The following LRRTM4 variants were observed in gnomAD, a reference collection of about 807,000 sequenced individuals.
LRRTM4 encodes the protein leucine rich repeat transmembrane neuronal 4.
LRRTM4 carries 25 observed loss-of-function variants against 47.6 expected under a neutral mutation model. That is an observed-to-expected ratio of 0.53 (90% confidence interval 0.38 to 0.73). The LOEUF (loss-of-function observed/expected upper bound fraction) is 0.73, where lower values mean the gene tolerates loss of function less well. LRRTM4 is among the 30% of genes least tolerant of loss of function. The pLI, the probability that LRRTM4 is intolerant of heterozygous loss-of-function variation, is 0.00. For missense variants in LRRTM4, 638 were observed against 713.4 expected (o/e 0.89, Z 1.20); for synonymous variants, 311 against 269.5 (o/e 1.15, Z -1.51).
chr2:77,445,976 T>C (rs971538695), intron 3 of LRRTM4, among the ~76,000 whole-genome samples: 1 of 152,074 alleles, frequency 6.6e-6, no homozygotes. Context: ...TTTATTTTCC[T>C]AAGTGAGATG....
At chr2:77,145,432 T>G (rs151083374) in intron 3 of LRRTM4, among the ~76,000 whole-genome samples, 260 of 152,042 alleles carry the variant, frequency 1.7e-3, no homozygotes, top group African/African-American at 6.1e-3. Context: ...GAAACAATAT[T>G]TGAACGAATT....
intron 3 of LRRTM4, among the ~76,000 whole-genome samples, chr2:77,224,818 G>T (rs1202784279): frequency 6.6e-6 from 1 of 152,082 alleles, no homozygotes; most frequent in Non-Finnish European, 1.5e-5. Flanking sequence ...TCCTCTCAGG[G>T]ATCTAGAACT....
chr2:77,312,435 G>A (rs181262159), intron 3 of LRRTM4, among the ~76,000 whole-genome samples: 2 of 152,240 alleles, frequency 1.3e-5, no homozygotes, highest in African/African-American at 4.8e-5. Context: ...TTTTAGATCA[G>A]TAGGCTTGGC....
chr2:76,782,874 C>T (rs986756817), intron 3 of LRRTM4, among the ~76,000 whole-genome samples: 1 of 152,050 alleles, frequency 6.6e-6, no homozygotes, highest in African/African-American at 2.4e-5. Flanking sequence ...ATTTAAATCG[C>T]TATTGGGGAA....
intron 3 of LRRTM4, among the ~76,000 whole-genome samples, chr2:76,968,883 TTTG>T (rs1174191263): frequency 6.6e-6 from 1 of 151,796 alleles, no homozygotes; most frequent in African/African-American, 2.4e-5. Flanking sequence ...GTCCCAGAGC[TTTG>T]TTGTCAATGT....
At chr2:76,998,359 C>G (rs1037782485) in intron 3 of LRRTM4, among the ~76,000 whole-genome samples, 1 of 152,086 alleles carries the variant, frequency 6.6e-6, no homozygotes, top group Admixed American at 6.6e-5. Context: ...ATCATACTCA[C>G]AGCTGCCATG....
intron 3 of LRRTM4, among the ~76,000 whole-genome samples, chr2:76,887,338 T>G (rs1463557175): frequency 1.3e-5 from 2 of 151,244 alleles, no homozygotes; most frequent in African/African-American, 2.4e-5. Flanking sequence ...TTTATTTGAC[T>G]TTTCCTAAAC....
chr2:77,075,290 T>C (rs535851475), intron 3 of LRRTM4, among the ~76,000 whole-genome samples: 83 of 152,226 alleles, frequency 5.5e-4, no homozygotes, highest in Non-Finnish European at 1.0e-3. Flanking sequence ...CTACAACTTG[T>C]AAATGTTAGG....
intron 3 of LRRTM4, among the ~76,000 whole-genome samples, chr2:77,398,090 C>G (rs1673773416): frequency 6.6e-6 from 1 of 151,852 alleles, no homozygotes; most frequent in Non-Finnish European, 1.5e-5. Context: ...TCATTGTGCC[C>G]TACTTTGAAC....
At chr2:77,242,373 GA>G (rs1573128353) in intron 3 of LRRTM4, among the ~76,000 whole-genome samples, 2 of 152,168 alleles carry the variant, frequency 1.3e-5, no homozygotes, top group East Asian at 3.9e-4. Flanking sequence ...TCAACAGAGT[GA>G]AAATGCAACC....
intron 3 of LRRTM4, among the ~76,000 whole-genome samples, chr2:77,105,801 C>A (rs1296263082): frequency 6.6e-6 from 1 of 152,126 alleles, no homozygotes; most frequent in Admixed American, 6.5e-5. Flanking sequence ...TTTGAAAATT[C>A]TTTAAAATAA....
intron 3 of LRRTM4, among the ~76,000 whole-genome samples, chr2:77,004,663 G>A (rs554856846): frequency 7.9e-5 from 12 of 152,206 alleles, no homozygotes; most frequent in Admixed American, 2.0e-4. Context: ...TGGGGCCACC[G>A]TCCTCCAGAC....
chr2:77,075,732 G>T (rs1680311396), intron 3 of LRRTM4, among the ~76,000 whole-genome samples: 1 of 150,496 alleles, frequency 6.6e-6, no homozygotes, highest in Admixed American at 6.6e-5. Context: ...TGGCTAACAA[G>T]GTGAAACCCC....
At chr2:77,518,180 T>C in intron 3 of LRRTM4, 138 bp downstream of exon 3, 1 of 1,274,468 alleles carries the variant, frequency 7.8e-7, no homozygotes, top group East Asian at 2.9e-5. Context: ...TTTAATTAAG[T>C]AACCTTTCAC....
At chr2:77,179,228 C>G (rs1673283052) in intron 3 of LRRTM4, among the ~76,000 whole-genome samples, 1 of 152,140 alleles carries the variant, frequency 6.6e-6, no homozygotes, top group African/African-American at 2.4e-5. Flanking sequence ...AAAACTCTTA[C>G]TATTTTATAA....
intron 3 of LRRTM4, among the ~76,000 whole-genome samples, chr2:77,212,197 T>A (rs1674311525): frequency 6.6e-6 from 1 of 151,406 alleles, no homozygotes; most frequent in African/African-American, 2.4e-5. Flanking sequence ...AAAAAAACAT[T>A]ACTTAAAGTT....
At chr2:76,872,789 AGCTTGGT>A (rs1672662792) in intron 3 of LRRTM4, among the ~76,000 whole-genome samples, 1 of 152,048 alleles carries the variant, frequency 6.6e-6, no homozygotes, top group Non-Finnish European at 1.5e-5. Context: ...CCTCCTGAAT[AGCTTGGT>A]GCTGTCCTTG....
chr2:77,477,893 AAAAGAAAG>A (rs1677476444), intron 3 of LRRTM4, among the ~76,000 whole-genome samples: 1 of 114,468 alleles, frequency 8.7e-6, no homozygotes, highest in African/African-American at 3.4e-5. Context: ...GAAAGAAAGA[AAAAGAAAG>A]AAAAAGAAAG....
chr2:76,779,127 A>T (rs1558646677), intron 3 of LRRTM4, among the ~76,000 whole-genome samples: 1 of 151,416 alleles, frequency 6.6e-6, no homozygotes, highest in Non-Finnish European at 1.5e-5. Context: ...TCTGAGAGAT[A>T]GTTTGTTATA....
Sources: gnomAD v4.1 joint callset for allele counts (sites outside exome capture counted in the v4.1 genomes callset) on GRCh38, gnomAD v4.1.1 for gene constraint, MANE v1.5 for transcripts, NCBI Gene and HGNC (gene_info 2026-07-23, HGNC 2026-07-21) for gene names.